The following PRAG1 variants were observed in gnomAD, a reference collection of about 807,000 sequenced individuals.
PRAG1 encodes the protein inactive tyrosine-protein kinase PRAG1.
PRAG1 carries 110 observed loss-of-function variants against 95.6 expected under a neutral mutation model. The observed-to-expected ratio is 1.15, with a 90% CI of 0.99 to 1.35. PRAG1 has a LOEUF of 1.35. PRAG1 is among the 40% of genes most tolerant of loss of function. The probability of loss-of-function intolerance (pLI) is 0.00; values close to 1 mark genes in which losing one functional copy is unlikely to be tolerated. For synonymous variants in PRAG1, 1,052 were observed against 819.4 expected (o/e 1.28, Z -4.85); for missense variants, 2,554 against 1,864.7 (o/e 1.37, Z -6.81).
Position 8,357,787 on chromosome 8 carries a change from T to G in PRAG1, c.2163-18152A>C, listed in dbSNP as rs191252210. ...ACAGTAGCCAAAATGTAGAAGCAAC[T>G]TAAGTATCCATTAACAGACGAATGA... is the stretch of plus-strand genomic sequence containing the variant. On this transcript the variant is annotated intron_variant, in intron 3 of 5. Coordinates refer to ENST00000615670, the MANE Select transcript of PRAG1 (RefSeq NM_001080826.3). Among the ~76,000 whole-genome samples, 529 of 152,332 alleles carry G rather than the reference T, an allele frequency of 3.5e-3. 1 individual carries two copies. Among genetic ancestry groups the G allele is most frequent in the Middle Eastern group, 0.01 (3 of 294 alleles).
intron 1 of PRAG1, among the ~76,000 whole-genome samples, chr8:8,383,103 G>A (rs1424075204): frequency 2.0e-5 from 3 of 152,264 alleles, no homozygotes; most frequent in East Asian, 3.9e-4. Flanking sequence ...TCTGCCTTAA[G>A]TTTGATAATC....
At chr8:8,328,789 C>A (rs1270956690) in intron 4 of PRAG1, among the ~76,000 whole-genome samples, 1 of 152,206 alleles carries the variant, frequency 6.6e-6, no homozygotes, top group Non-Finnish European at 1.5e-5. Context: ...CACACACACA[C>A]ACACACACAC....
chr8:8,319,137 G>T lies in PRAG1; in HGVS notation c.3238C>A (p.Pro1080Thr), dbSNP rs765918255. 1.9e-5 allele frequency: 31 copies of T among 1,605,844 alleles called. No homozygotes were observed. Among genetic ancestry groups the T allele is most frequent in the Admixed American group, 1.2e-4 (7 of 59,574 alleles). The part of the protein sequence containing the change: ...KDPVPALPTH[P>T]PAQEQDCVVV... ...ACGCAGTCCTGCTCCTGGGCAGGGG[G>T]GTGTGTGGGCAGGGCAGGCACAGGG... The change falls in exon 6 of 6, where the codon CCC (proline) becomes ACC (threonine). Residue 1080 changes from proline to threonine, a missense_variant. Pro to Thr is a conservative substitution (Grantham distance 38). Coordinates refer to ENST00000615670, the MANE Select transcript of PRAG1 (RefSeq NM_001080826.3).
intron 4 of PRAG1, among the ~76,000 whole-genome samples, chr8:8,329,448 C>T (rs963491912): frequency 2.6e-5 from 4 of 151,950 alleles, no homozygotes; most frequent in Non-Finnish European, 5.9e-5. Context: ...AGGATGTGTG[C>T]CCCTCATTGA....
intron 3 of PRAG1, among the ~76,000 whole-genome samples, chr8:8,345,092 T>TGTGTGTGTGTGTGTGTGTGTGTGTGTGTG (rs1491425198): frequency 8.0e-6 from 1 of 124,930 alleles, no homozygotes; most frequent in African/African-American, 3.1e-5. Flanking sequence ...TGTGTGTGTG[T>TGTGTGTGTGTGTGTGTGTGTGTGTGTGTG]TAGGGAGGAA....
chr8:8,342,578 C>G (rs933046095), intron 3 of PRAG1, among the ~76,000 whole-genome samples: 1 of 152,070 alleles, frequency 6.6e-6, no homozygotes, highest in Non-Finnish European at 1.5e-5. Context: ...CATCAAGGAC[C>G]AGTTGCTGTA....
At chr8:8,323,930 A>G (rs1450078911) in intron 5 of PRAG1, among the ~76,000 whole-genome samples, 1 of 152,218 alleles carries the variant, frequency 6.6e-6, no homozygotes, top group Non-Finnish European at 1.5e-5. Context: ...TGATTTTGCA[A>G]ATACAGAATC....
At chr8:8,346,843 C>T (rs1585243221) in intron 3 of PRAG1, among the ~76,000 whole-genome samples, 1 of 152,102 alleles carries the variant, frequency 6.6e-6, no homozygotes, top group South Asian at 2.1e-4. Context: ...TACATTTGGC[C>T]GAGAGCTTTC....
At chr8:8,339,697 T>A in intron 3 of PRAG1, 62 bp from the exon 4 acceptor site, 1 of 1,516,132 alleles carries the variant, frequency 6.6e-7, no homozygotes, top group African/African-American at 1.4e-5. Flanking sequence ...GAAACCAGGC[T>A]GATGGATCAT....
chr8:8,318,115 G>C lies in PRAG1; in HGVS notation c.*39C>G. 1 of 1,568,976 alleles carries C rather than the reference G, an allele frequency of 6.4e-7. No homozygotes were observed. The highest frequency in any genetic ancestry group is 8.6e-7 in the Non-Finnish European group (1 of 1,157,396). On this transcript the variant is annotated 3_prime_UTR_variant, in exon 6 of 6. Coordinates refer to ENST00000615670, the MANE Select transcript of PRAG1 (RefSeq NM_001080826.3). The surrounding 1 kb of genome is among the most constrained non-coding windows in gnomAD (Gnocchi z 4.2). Reference sequence around the variant, plus strand: ...CCAAGGCGAGACAGGAAAGGGTTAGGCAGGGAAGGGGCAGCGACGGTGCAG... The same window carrying C: ...CCAAGGCGAGACAGGAAAGGGTTAGCCAGGGAAGGGGCAGCGACGGTGCAG...
Position 8,377,256 on chromosome 8 carries a change from C to G in PRAG1, c.1153G>C (p.Val385Leu), listed in dbSNP as rs773827279. 6.2e-7 allele frequency: 1 copy of G among 1,612,842 alleles called. No homozygotes were observed. The highest frequency in any genetic ancestry group is 1.7e-5 in the Admixed American group (1 of 60,002). The stretch of plus-strand genomic sequence containing the variant: ...AGCCCAAGGCATCTGCTAGGGGTCA[C>G]CCCTGGGCAGCCAGGGTCCTGCTGC... Reference protein sequence around the residue: ...EKQQDPGCPGVTPSRCLGLTG... With the variant: ...EKQQDPGCPGLTPSRCLGLTG... The change falls in exon 3 of 6, where the codon GTG (valine) becomes CTG (leucine). Residue 385 changes from valine (V) to leucine (L), a missense_variant. Coordinates refer to ENST00000615670, the MANE Select transcript of PRAG1 (RefSeq NM_001080826.3).
chr8:8,350,002 C>G (rs184246818), intron 3 of PRAG1, among the ~76,000 whole-genome samples: 1 of 151,732 alleles, frequency 6.6e-6, no homozygotes, highest in East Asian at 1.9e-4. Flanking sequence ...ACACACATTT[C>G]GGTTACTAGT....
intron 4 of PRAG1, among the ~76,000 whole-genome samples, chr8:8,329,876 C>G (rs1253757013): frequency 6.6e-6 from 1 of 152,216 alleles, no homozygotes; most frequent in Non-Finnish European, 1.5e-5. Context: ...GCCTCAGTGA[C>G]CGAGGCAGCA....
intron 4 of PRAG1, 40 bp downstream of exon 4, chr8:8,339,438 A>G (rs376693554): frequency 3.1e-5 from 49 of 1,602,300 alleles, no homozygotes; most frequent in African/African-American, 8.0e-5. Flanking sequence ...TTGAAGGTCC[A>G]GGAGAATCTA....
At chr8:8,357,498 C>G (rs1799718749) in intron 3 of PRAG1, among the ~76,000 whole-genome samples, 1 of 152,206 alleles carries the variant, frequency 6.6e-6, no homozygotes, top group Non-Finnish European at 1.5e-5. Flanking sequence ...GACAACAACT[C>G]ATCCCATTAG....
chr8:8,370,842 G>A (rs1210185637), intron 3 of PRAG1, among the ~76,000 whole-genome samples: 2 of 152,192 alleles, frequency 1.3e-5, no homozygotes, highest in Non-Finnish European at 2.9e-5. Flanking sequence ...AAGCAGCTCA[G>A]GAGGAGAATT....
At chr8:8,331,715 G>A (rs1179457467) in intron 4 of PRAG1, among the ~76,000 whole-genome samples, 1 of 152,124 alleles carries the variant, frequency 6.6e-6, no homozygotes. Context: ...GCTTTAGACT[G>A]TATGGTAGGT....
At chr8:8,335,940 A>C (rs1798970409) in intron 4 of PRAG1, among the ~76,000 whole-genome samples, 1 of 152,162 alleles carries the variant, frequency 6.6e-6, no homozygotes, top group Non-Finnish European at 1.5e-5. Flanking sequence ...ATTAATATGC[A>C]TTTCTTAAAA....
intron 3 of PRAG1, among the ~76,000 whole-genome samples, chr8:8,356,438 TG>T (rs1244102222): frequency 6.6e-6 from 1 of 152,194 alleles, no homozygotes; most frequent in Non-Finnish European, 1.5e-5. Context: ...CTTGACCTCT[TG>T]GGTTCAAGTG....
Sources: allele counts gnomAD v4.1 joint callset (sites outside exome capture counted in the v4.1 genomes callset), GRCh38; gene constraint gnomAD v4.1.1; non-coding constraint Gnocchi (gnomAD v3.1); transcripts MANE v1.5; gene names NCBI Gene and HGNC (gene_info 2026-07-23, HGNC 2026-07-21).